Variants in LZTS1 observed in about 807,000 individuals in gnomAD.
LZTS1 encodes the protein leucine zipper putative tumor suppressor 1.
LZTS1 carries 31 observed loss-of-function variants against 45.8 expected under a neutral mutation model. The observed-to-expected ratio is 0.68, with a 90% CI of 0.51 to 0.91. The LOEUF is 0.91. Ranked by LOEUF, LZTS1 falls within the 40% of genes least tolerant of loss-of-function variation. The pLI is 0.00. For synonymous variants in LZTS1, 359 were observed against 357.3 expected, an observed-to-expected ratio of 1.00 and a Z score of -0.05; for missense variants, 821 against 788.9, an observed-to-expected ratio of 1.04 and a Z score of -0.49.
intron 2 of LZTS1, among the ~76,000 whole-genome samples, chr8:20,254,290 C>T (rs1800030112): frequency 6.6e-6 from 1 of 152,204 alleles, no homozygotes; most frequent in African/African-American, 2.4e-5. Flanking sequence ...GCCTGGGCCT[C>T]CTTTGCCCTA....
At position 20,296,469 on chromosome 8, in the gene LZTS1, C is replaced by T. The variant is rs1374923655; in HGVS notation, c.-135+7271G>A. Among the ~76,000 whole-genome samples, 2 of 152,196 alleles carry T rather than the reference C, an allele frequency of 1.3e-5. 1 individual carries two copies. Among genetic ancestry groups the T allele is most frequent in the Non-Finnish European group, 2.9e-5 (2 of 68,044 alleles). On this transcript the variant is annotated intron_variant, in intron 1 of 3. Coordinates refer to ENST00000381569, the MANE Select transcript of LZTS1 (RefSeq NM_021020.5). Reference sequence around the variant, plus strand: ...GTTCGTGGCCACCTAAAGACTGCCCCAGGCATGGCATCGGGGAGGGGGCTG... The same window carrying T: ...GTTCGTGGCCACCTAAAGACTGCCCTAGGCATGGCATCGGGGAGGGGGCTG...
chr8:20,259,305 A>T (rs532481423), intron 1 of LZTS1, among the ~76,000 whole-genome samples: 15 of 152,348 alleles, frequency 9.8e-5, no homozygotes, highest in Middle Eastern at 3.4e-3. Flanking sequence ...CCTGGCATGT[A>T]GTAGGCGATC....
chr8:20,267,681 C>A (rs543887645), intron 1 of LZTS1, among the ~76,000 whole-genome samples: 2 of 152,246 alleles, frequency 1.3e-5, no homozygotes, highest in South Asian at 2.1e-4. Context: ...CCATGCCCAG[C>A]TAATTTTTTT....
At chr8:20,265,676 C>CAAAAAAAAA (rs71222140) in intron 1 of LZTS1, among the ~76,000 whole-genome samples, 3 of 42,986 alleles carry the variant, frequency 7.0e-5, no homozygotes, top group Non-Finnish European at 1.2e-4. Flanking sequence ...GACTCTGTCT[C>CAAAAAAAAA]AAAAAAAAAA....
intron 1 of LZTS1, among the ~76,000 whole-genome samples, chr8:20,286,176 A>G (rs544780813): frequency 1.3e-5 from 2 of 152,224 alleles, no homozygotes; most frequent in Non-Finnish European, 2.9e-5. Context: ...TTCTTCATCA[A>G]AGGTCTCAAC....
chr8:20,278,197 A>C (rs1800621768), intron 1 of LZTS1, among the ~76,000 whole-genome samples: 1 of 152,192 alleles, frequency 6.6e-6, no homozygotes, highest in African/African-American at 2.4e-5. Context: ...GCTTCCTGAT[A>C]AGATCTCAGC....
intron 1 of LZTS1, among the ~76,000 whole-genome samples, chr8:20,274,247 C>G (rs924088387): frequency 1.3e-5 from 2 of 152,208 alleles, no homozygotes; most frequent in African/African-American, 4.8e-5. Flanking sequence ...AGACTCAGTG[C>G]TTGTTTGTTG....
chr8:20,296,602 G>A (rs747587474), intron 1 of LZTS1, among the ~76,000 whole-genome samples: 29 of 152,320 alleles, frequency 1.9e-4, no homozygotes, highest in Non-Finnish European at 3.4e-4. Flanking sequence ...TGTGTAATGT[G>A]ATGTACTTGG....
At chr8:20,263,568 G>C (rs916945736) in intron 1 of LZTS1, among the ~76,000 whole-genome samples, 1 of 152,104 alleles carries the variant, frequency 6.6e-6, no homozygotes, top group Non-Finnish European at 1.5e-5. Context: ...TCACTTTAAC[G>C]ACTCCCTGCT....
At chr8:20,269,752 C>T (rs1198933935) in intron 1 of LZTS1, among the ~76,000 whole-genome samples, 1 of 152,170 alleles carries the variant, frequency 6.6e-6, no homozygotes. Context: ...TGGGAACTCT[C>T]TCAGCAGATC....
chr8:20,289,095 TG>T (rs1800851661), intron 1 of LZTS1: 1 of 84,426 alleles, frequency 1.2e-5, no homozygotes, highest in East Asian at 5.5e-4. Context: ...CACAAGGCCG[TG>T]GGCTCTATTT....
At chr8:20,261,231 C>T (rs1378431719) in intron 1 of LZTS1, among the ~76,000 whole-genome samples, 1 of 152,150 alleles carries the variant, frequency 6.6e-6, no homozygotes, top group African/African-American at 2.4e-5. Context: ...GCCTCACACT[C>T]CACATGGCAT....
Position 20,268,549 on chromosome 8 carries a change from C to A in LZTS1, c.-134-13234G>T, listed in dbSNP as rs940478837. Among the ~76,000 whole-genome samples the A allele has an allele frequency of 4.6e-5, 7 of 152,062 alleles. No individual in the cohort carries two copies. The East Asian group carries it at 1.4e-3, about 29-fold the overall frequency. ...AAGGGGTTGGGGGCCAGGGCTGGGG[C>A]AGGGGTGAGCCTTTGAGCTAGTTAA... On this transcript the variant is annotated intron_variant, in intron 1 of 3. Transcript: ENST00000381569.
At chr8:20,289,426 T>C (rs1800858992) in intron 1 of LZTS1, 1 of 152,310 alleles carries the variant, frequency 6.6e-6, no homozygotes, top group African/African-American at 2.4e-5. Context: ...TGCAGAGTTC[T>C]GTCCTGCTCC....
At chr8:20,256,195 T>G (rs1195042943) in intron 1 of LZTS1, among the ~76,000 whole-genome samples, 2 of 151,712 alleles carry the variant, frequency 1.3e-5, no homozygotes, top group African/African-American at 4.8e-5. Flanking sequence ...AGAGGGGGCT[T>G]GGCTGTGTGA....
Position 20,249,842 on chromosome 8 carries a change from G to C in LZTS1, c.1671C>G (p.Asn557Lys). The C allele has an allele frequency of 6.2e-7, 1 of 1,614,202 alleles. No homozygotes were observed. The highest frequency in any genetic ancestry group is 1.1e-5 in the South Asian group (1 of 91,090). Residue 557 changes from asparagine to lysine, a missense_variant, in exon 4 of 4, where the codon AAC becomes AAG. Transcript: ENST00000381569. ...QQSYVAMYQR[N>K]QRLEKALQQL... ...GCTGCAGGGCCTTCTCCAGGCGCTG[G>C]TTCCGCTGGTACATGGCCACGTAGC...
At chr8:20,303,088 G>C (rs567546517) in intron 1 of LZTS1, among the ~76,000 whole-genome samples, 51 of 152,228 alleles carry the variant, frequency 3.4e-4, no homozygotes, top group African/African-American at 1.2e-3. Flanking sequence ...TGTGCATGGT[G>C]CTTTGACTAA....
chr8:20,288,844 C>G (rs1441018387), intron 1 of LZTS1, among the ~76,000 whole-genome samples: 2 of 152,032 alleles, frequency 1.3e-5, no homozygotes, highest in Non-Finnish European at 2.9e-5. Context: ...TCCTCTTCCC[C>G]CAAGTCTTGG....
chr8:20,262,139 C>G (rs553282170), intron 1 of LZTS1, among the ~76,000 whole-genome samples: 1 of 152,196 alleles, frequency 6.6e-6, no homozygotes, highest in Non-Finnish European at 1.5e-5. Context: ...AGGCCCACAA[C>G]GATGCAAAGT....
Sources: gnomAD v4.1 joint callset for allele counts (sites outside exome capture counted in the v4.1 genomes callset) on GRCh38, gnomAD v4.1.1 for gene constraint, MANE v1.5 for transcripts, NCBI Gene and HGNC (gene_info 2026-07-23, HGNC 2026-07-21) for gene names.